Variants in MGST1 observed in about 807,000 individuals in gnomAD.
MGST1 encodes microsomal glutathione S-transferase 1.
MGST1 carries 5 observed loss-of-function variants against 8.9 expected under a neutral mutation model. That is an observed-to-expected ratio of 0.56 (90% confidence interval 0.29 to 1.19). The LOEUF (loss-of-function observed/expected upper bound fraction) is 1.19. Ranked by LOEUF, MGST1 falls within the 50% of genes most tolerant of loss-of-function variation. The probability of loss-of-function intolerance (pLI) is 0.08; values close to 1 mark genes in which losing one functional copy is unlikely to be tolerated. For missense variants in MGST1, 182 were observed against 187.4 expected (o/e 0.97, Z 0.17); for synonymous variants, 54 against 67.8 (o/e 0.80, Z 1.00).
chr12:16,387,657 G>A (rs970460088), intron 1 of MGST1, among the ~76,000 whole-genome samples: 15 of 151,826 alleles, frequency 9.9e-5, no homozygotes, highest in Non-Finnish European at 2.1e-4. Context: ...CTCCCGAGTA[G>A]CTGGGACTAC....
rs925414863 is a variant in MGST1, at chr12:16,482,899, A to G, written n.482+99295A>G. 5.3e-5 allele frequency among the ~76,000 whole-genome samples: 8 copies of G among 152,168 alleles called. No homozygotes were observed. The highest frequency in any genetic ancestry group is 1.2e-4 in the Non-Finnish European group (8 of 68,026). ...CTTGAACCACCAGTGCAGCTCCTTTATTGCAACTTCATGACGTGCTCTGGC... is the reference window on the plus strand; with the variant it reads ...CTTGAACCACCAGTGCAGCTCCTTTGTTGCAACTTCATGACGTGCTCTGGC... On this transcript the variant is annotated intron_variant and non_coding_transcript_variant, in intron 4 of 4. Transcript: ENST00000538857. The surrounding 1 kb of genome is among the most constrained non-coding windows in gnomAD (Gnocchi z 4.2).
chr12:16,401,714 A>G lies in MGST1; in HGVS notation n.778+18110A>G. ...GAGGGTAACACATTTCCACAGTAGA[A>G]GGGTCTGCCCCAGCAAGGTATTTTT... On this transcript the variant is annotated intron_variant and non_coding_transcript_variant, in intron 1 of 1. Coordinates refer to the MGST1 transcript ENST00000359720. The surrounding 1 kb of genome is among the most constrained non-coding windows in gnomAD (Gnocchi z 4.3). 6.2e-7 allele frequency: 1 copy of G among 1,602,032 alleles called. No homozygotes were observed. The highest frequency in any genetic ancestry group is 8.6e-7 in the Non-Finnish European group (1 of 1,169,046).
At chr12:16,472,242 T>C (rs1941293636) in intron 4 of MGST1, among the ~76,000 whole-genome samples, 1 of 152,182 alleles carries the variant, frequency 6.6e-6, no homozygotes, top group South Asian at 2.1e-4. Context: ...AAACAACTTT[T>C]TTCTTGTCTC....
At chr12:16,556,611 T>A (rs1048531171) in intron 4 of MGST1, among the ~76,000 whole-genome samples, 24 of 152,230 alleles carry the variant, frequency 1.6e-4, no homozygotes, top group African/African-American at 5.5e-4. Context: ...GCCTATGAAT[T>A]ACCTATTTGC....
intron 4 of MGST1, among the ~76,000 whole-genome samples, chr12:16,486,068 G>A (rs993280817): frequency 1.3e-5 from 2 of 152,122 alleles, no homozygotes; most frequent in Admixed American, 6.6e-5. Context: ...AACCCACATG[G>A]CTTGTTCCCT....
rs1941368177 is a variant in MGST1 at position 16,482,106 on chromosome 12, T to C, written n.482+98502T>C. 6.6e-6 allele frequency among the ~76,000 whole-genome samples: 1 copy of C among 152,188 alleles called. No homozygotes were observed. The highest frequency in any genetic ancestry group is 2.4e-5 in the African/African-American group (1 of 41,436). On this transcript the variant is annotated intron_variant and non_coding_transcript_variant, in intron 4 of 4. Transcript: ENST00000538857. This position sits in a 1 kb window ranked among gnomAD's most constrained non-coding sequence, Gnocchi z 4.2. ...ATATAATAGTCAACATAAAATTGTA[T>C]TCTAGCTAAATTTTACTTAAAACGC... is the stretch of plus-strand genomic sequence containing the variant.
At chr12:16,393,729 T>C (rs969513087) in intron 1 of MGST1, among the ~76,000 whole-genome samples, 1 of 152,210 alleles carries the variant, frequency 6.6e-6, no homozygotes, top group African/African-American at 2.4e-5. Flanking sequence ...ACCCACACTA[T>C]TTTGATTTTC....
chr12:16,399,269 C>T, intron 1 of MGST1: 5 of 1,603,266 alleles, frequency 3.1e-6, no homozygotes, highest in Non-Finnish European at 4.3e-6. Context: ...GGCCAAAGTT[C>T]AGAAGTTACT....
At chr12:16,591,302 T>C (rs986537098), downstream of MGST1, among the ~76,000 whole-genome samples, 5 of 151,950 alleles carry the variant, frequency 3.3e-5, no homozygotes, top group Non-Finnish European at 7.4e-5. The surrounding 1 kb of genome is among the most constrained non-coding windows in gnomAD (Gnocchi z 4.1). Context: ...GTCCTTCCCA[T>C]ACGTGATCAT....
intron 1 of MGST1, among the ~76,000 whole-genome samples, chr12:16,384,641 T>A (rs765604937): frequency 2.6e-5 from 4 of 152,382 alleles, no homozygotes; most frequent in African/African-American, 4.8e-5. Flanking sequence ...TTTGTGGTAA[T>A]TTGGTATGAA....
chr12:16,400,858 T>C, intron 1 of MGST1: 1 of 1,181,750 alleles, frequency 8.5e-7, no homozygotes, highest in South Asian at 1.2e-5. Context: ...CCCCAATATG[T>C]GGTTCCTTAG....
intron 4 of MGST1, among the ~76,000 whole-genome samples, chr12:16,496,306 A>T (rs1941469480): frequency 6.6e-6 from 1 of 152,048 alleles, no homozygotes; most frequent in East Asian, 1.9e-4. Flanking sequence ...TGTATTACAC[A>T]CTGTACTCTG....
At chr12:16,406,901 G>T (rs1245257906) in intron 1 of MGST1, among the ~76,000 whole-genome samples, 1 of 151,986 alleles carries the variant, frequency 6.6e-6, no homozygotes, top group Non-Finnish European at 1.5e-5. Context: ...TACAAACATC[G>T]ACTCAAGATG....
rs1941861364 is a variant in MGST1, at chr12:16,548,247, G to T, written n.483-41281G>T. The T allele has an allele frequency of 6.6e-6, 1 of 152,022 alleles. No homozygotes were observed. Among genetic ancestry groups the T allele is most frequent in the Non-Finnish European group, 1.5e-5 (1 of 68,006 alleles). The allele number at this position is 152,022 out of a possible 1,614,324, so 9.4% of individuals were successfully genotyped here. A position where few individuals can be genotyped will look rare whatever the true frequency, so the allele number is the denominator to read the frequency against. On this transcript the variant is annotated intron_variant and non_coding_transcript_variant, in intron 4 of 4. Transcript: ENST00000538857. This position sits in a 1 kb window ranked among gnomAD's most constrained non-coding sequence, Gnocchi z 4.2. ...TTCAGAGAAACATTTGGGGTGCTTT[G>T]TCTATGCTTGTTATGACTTAGCTTT...
intron 1 of MGST1, among the ~76,000 whole-genome samples, chr12:16,437,095 C>A (rs1940993648): frequency 6.6e-6 from 1 of 151,826 alleles, no homozygotes; most frequent in Admixed American, 6.6e-5. Context: ...GCCTGGAGTA[C>A]CCTGGGAAGA....
rs200060283 is a variant in MGST1, at chr12:16,397,862, ATTT to A, written n.778+14260_778+14262del. On this transcript the variant is annotated intron_variant and non_coding_transcript_variant, in intron 1 of 1. Coordinates refer to the MGST1 transcript ENST00000359720. ...ATTTAATAATAAATATTTAATATAT[ATTT>A]TAGTGTCAACTAAACTAAATATGTA... Among the ~76,000 whole-genome samples, 186 of 149,436 alleles carry A rather than the reference ATTT, an allele frequency of 1.2e-3. 2 individuals are homozygous for A. The East Asian group carries it at 0.031, about 25-fold the overall frequency.
At chr12:16,568,859 C>T (rs1421484739) in intron 4 of MGST1, among the ~76,000 whole-genome samples, 2 of 152,006 alleles carry the variant, frequency 1.3e-5, no homozygotes, top group African/African-American at 4.8e-5. Flanking sequence ...AATGGAGATC[C>T]AAAATTTTCT....
At position 16,537,452 on chromosome 12, in the gene MGST1, C is replaced by T. The variant is rs1941762787; in HGVS notation, n.483-52076C>T. Among the ~76,000 whole-genome samples the T allele has an allele frequency of 6.6e-6, 1 of 152,208 alleles. No individual in the cohort carries two copies. Among genetic ancestry groups the T allele is most frequent in the Admixed American group, 6.5e-5 (1 of 15,282 alleles). On this transcript the variant is annotated intron_variant and non_coding_transcript_variant, in intron 4 of 4. Transcript: ENST00000538857. The surrounding 1 kb of genome is among the most constrained non-coding windows in gnomAD (Gnocchi z 4.6). ...CTGGAGCATGGTGGCCCTCTTCTCACAGCTCCACTAGGAGGTGCCCCAGTA... is the reference window on the plus strand; with the variant it reads ...CTGGAGCATGGTGGCCCTCTTCTCATAGCTCCACTAGGAGGTGCCCCAGTA...
chr12:16,549,735 T>C (rs1277444837), intron 4 of MGST1: 2 of 152,094 alleles, frequency 1.3e-5, no homozygotes, highest in Non-Finnish European at 2.9e-5. Context: ...AGTAGTTCTA[T>C]TACAGGGAGC....
Sources: allele counts gnomAD v4.1 joint callset (sites outside exome capture counted in the v4.1 genomes callset), GRCh38; gene constraint gnomAD v4.1.1; non-coding constraint Gnocchi (gnomAD v3.1); transcripts MANE v1.5; gene names NCBI Gene and HGNC (gene_info 2026-07-23, HGNC 2026-07-21).